COL24A1: variants seen among roughly 807,000 people sequenced by gnomAD.
COL24A1 encodes the protein collagen alpha-1(XXIV) chain.
Under a neutral mutation model 253.9 loss-of-function variants are expected in COL24A1, and 224 were observed. That is an observed-to-expected ratio of 0.88 (90% CI 0.79 to 0.99). The LOEUF (loss-of-function observed/expected upper bound fraction) is 0.99, where lower values mean the gene tolerates loss of function less well. COL24A1 is among the 50% of genes least tolerant of loss of function. The probability of loss-of-function intolerance (pLI) is 0.00; values close to 1 mark genes in which losing one functional copy is unlikely to be tolerated. For synonymous variants in COL24A1, 685 were observed against 673.7 expected (o/e 1.02, Z -0.26); for missense variants, 2,131 against 2,068.5 (o/e 1.03, Z -0.59).
chr1:85,813,651 C>T (rs1345212008), intron 47 of COL24A1, among the ~76,000 whole-genome samples: 1 of 145,370 alleles, frequency 6.9e-6, no homozygotes, highest in East Asian at 2.0e-4. Flanking sequence ...CCCGGGTTCA[C>T]GCCATTCTCC....
At chr1:85,991,420 A>C (rs1448064391) in intron 19 of COL24A1, among the ~76,000 whole-genome samples, 1 of 152,228 alleles carries the variant, frequency 6.6e-6, no homozygotes, top group Admixed American at 6.5e-5. Context: ...ATGTTTTAAA[A>C]AGGAGGAACT....
chr1:85,858,034 A>G (rs970158294), intron 37 of COL24A1, among the ~76,000 whole-genome samples: 2 of 152,206 alleles, frequency 1.3e-5, no homozygotes, highest in South Asian at 2.1e-4. Flanking sequence ...CCAGGAGCAA[A>G]TTCAGTTAGC....
intron 37 of COL24A1, among the ~76,000 whole-genome samples, chr1:85,867,890 A>G (rs553112966): frequency 1.3e-5 from 2 of 152,190 alleles, no homozygotes; most frequent in African/African-American, 4.8e-5. Flanking sequence ...GATTACAAGC[A>G]CGCACCATGG....
intron 47 of COL24A1, 63 bp from the exon 48 acceptor site, chr1:85,786,524 A>G: frequency 1.4e-6 from 2 of 1,465,706 alleles, no homozygotes; most frequent in East Asian, 2.3e-5. Context: ...TTAGAGGCTC[A>G]ATAAAATGTA....
At chr1:86,050,440 G>A (rs914971762) in intron 10 of COL24A1, among the ~76,000 whole-genome samples, 12 of 151,848 alleles carry the variant, frequency 7.9e-5, no homozygotes, top group Non-Finnish European at 1.3e-4. Flanking sequence ...ATTTTATAGC[G>A]GGCAGAAAAT....
chr1:85,964,729 C>A (rs1372135537), intron 23 of COL24A1, among the ~76,000 whole-genome samples: 2 of 152,016 alleles, frequency 1.3e-5, no homozygotes, highest in Non-Finnish European at 2.9e-5. Flanking sequence ...ATTTGGGATT[C>A]TTAACTTGTA....
At position 86,059,098 on chromosome 1, in the gene COL24A1, AAGT is replaced by A; in HGVS notation, c.1806+20_1806+22del. The A allele has an allele frequency of 6.4e-7, 1 of 1,557,150 alleles. No homozygotes were observed. The highest frequency in any genetic ancestry group is 8.8e-7 in the Non-Finnish European group (1 of 1,142,478). ...TTAATAAATAGGAACACAAAGAGAA[AAGT>A]CTAAATATAGTTACTGCACCTGCCT... On this transcript the variant is annotated intron_variant, in intron 9 of 59. Coordinates refer to ENST00000370571, the MANE Select transcript of COL24A1 (RefSeq NM_152890.7).
chr1:85,984,773 A>C (rs531286040), intron 20 of COL24A1, among the ~76,000 whole-genome samples: 1 of 151,710 alleles, frequency 6.6e-6, no homozygotes, highest in South Asian at 2.1e-4. Context: ...ACTAAATATA[A>C]CCAGAATCAA....
intron 12 of COL24A1, among the ~76,000 whole-genome samples, chr1:86,039,138 A>G (rs1250080324): frequency 3.2e-5 from 4 of 125,838 alleles, no homozygotes; most frequent in African/African-American, 1.3e-4. Flanking sequence ...TTTTAAATGT[A>G]TGATATGCAG....
At chr1:85,770,434 T>C (rs1008337017) in intron 53 of COL24A1, among the ~76,000 whole-genome samples, 8 of 152,092 alleles carry the variant, frequency 5.3e-5, no homozygotes, top group African/African-American at 1.7e-4. Flanking sequence ...TTTTATTCCA[T>C]GTCTGTCCTC....
At chr1:85,934,396 T>C (rs1054339627) in intron 24 of COL24A1, among the ~76,000 whole-genome samples, 4 of 152,218 alleles carry the variant, frequency 2.6e-5, no homozygotes, top group African/African-American at 9.6e-5. Flanking sequence ...TATTAAGACT[T>C]TGACTCCTCC....
chr1:86,047,057 A>G (rs1699961656), intron 11 of COL24A1, among the ~76,000 whole-genome samples, 188 bp from the exon 12 acceptor site: 1 of 152,226 alleles, frequency 6.6e-6, no homozygotes, highest in Admixed American at 6.5e-5. Context: ...CCTTCTTCAA[A>G]ACAAAATTCT....
At chr1:85,901,217 A>G (rs1405656009) in intron 28 of COL24A1, among the ~76,000 whole-genome samples, 3 of 152,228 alleles carry the variant, frequency 2.0e-5, no homozygotes, top group Non-Finnish European at 4.4e-5. Context: ...GTAGTTAAAA[A>G]ATAATTCTAT....
chr1:85,784,331 T>A lies in COL24A1; in HGVS notation c.4095A>T (p.Gln1365His). 6.2e-7 allele frequency: 1 copy of A among 1,614,016 alleles called. No individual in the cohort carries two copies. The highest frequency in any genetic ancestry group is 1.1e-5 in the South Asian group (1 of 91,076). Residue 1365 changes from glutamine to histidine, a missense_variant, in exon 49 of 60, where the codon CAA becomes CAT. Coordinates refer to ENST00000370571, the MANE Select transcript of COL24A1 (RefSeq NM_152890.7). ...EQGLPGQPGIQGKRGHRGAQG... is the reference protein window; with the variant it reads ...EQGLPGQPGIHGKRGHRGAQG... ...GTGCTCCTCGGTGACCTCTTTTACC[T>A]TGAATTCCAGGTTGACCAGGTAGCC...
intron 2 of COL24A1, among the ~76,000 whole-genome samples, chr1:86,143,097 A>C (rs887469438): frequency 6.6e-6 from 1 of 152,220 alleles, no homozygotes; most frequent in Non-Finnish European, 1.5e-5. Flanking sequence ...ACACATTCTC[A>C]GAAATGGAAT....
chr1:85,813,920 C>T lies in COL24A1; in HGVS notation c.3951+2868G>A, dbSNP rs552042287. Among the ~76,000 whole-genome samples, 16 of 152,246 alleles carry T rather than the reference C, an allele frequency of 1.1e-4. No individual in the cohort carries two copies. The South Asian group carries it at 3.3e-3, about 32-fold the overall frequency. On this transcript the variant is annotated intron_variant, in intron 47 of 59. Coordinates refer to ENST00000370571, the MANE Select transcript of COL24A1 (RefSeq NM_152890.7). Reference sequence around the variant, plus strand: ...GACAGTTTAGAAATTATTCATAGTGCAGTAGCATTGGCACTGAGAGTCCAA... The same window carrying T: ...GACAGTTTAGAAATTATTCATAGTGTAGTAGCATTGGCACTGAGAGTCCAA...
intron 47 of COL24A1, among the ~76,000 whole-genome samples, chr1:85,802,860 T>C (rs1417393767): frequency 6.6e-6 from 1 of 152,204 alleles, no homozygotes; most frequent in Non-Finnish European, 1.5e-5. Context: ...TCTGTTTTTT[T>C]CCCCACTTTG....
chr1:85,771,815 A>T (rs1667998007), intron 53 of COL24A1, among the ~76,000 whole-genome samples: 1 of 99,052 alleles, frequency 1.0e-5, no homozygotes, highest in East Asian at 2.8e-4. Context: ...TATTTTTATT[A>T]TACTTTAAGT....
chr1:86,147,236 T>A (rs1652011830), intron 1 of COL24A1, among the ~76,000 whole-genome samples: 1 of 152,200 alleles, frequency 6.6e-6, no homozygotes, highest in South Asian at 2.1e-4. Context: ...ATAAGGAGCA[T>A]CTTAATGTAA....
Sources: allele counts gnomAD v4.1 joint callset (sites outside exome capture counted in the v4.1 genomes callset), GRCh38; gene constraint gnomAD v4.1.1; transcripts MANE v1.5; gene names NCBI Gene and HGNC (gene_info 2026-07-23, HGNC 2026-07-21).